Variants in ZCCHC7 observed in about 807,000 individuals in gnomAD.
ZCCHC7 encodes zinc finger CCHC domain-containing protein 7.
In ZCCHC7, 35 loss-of-function variants were observed where a neutral mutation model predicts 52.0. The ratio of observed to expected loss-of-function variants is 0.67; its 90% CI spans 0.51 to 0.89. The LOEUF is 0.89. Among genes scored for constraint, ZCCHC7 ranks in the 40% least tolerant of loss-of-function variants. The pLI is 0.00. For missense variants in ZCCHC7, 574 were observed against 649.1 expected (o/e 0.88, Z 1.26); for synonymous variants, 217 against 221.5 (o/e 0.98, Z 0.18).
At chr9:37,198,247 G>A (rs2133141369) in intron 2 of ZCCHC7, among the ~76,000 whole-genome samples, 1 of 152,224 alleles carries the variant, frequency 6.6e-6, no homozygotes. Context: ...AATAGACCCA[G>A]CTAAAATATC....
intron 2 of ZCCHC7, among the ~76,000 whole-genome samples, chr9:37,258,264 G>T (rs565864534): frequency 1.3e-4 from 20 of 152,212 alleles, no homozygotes; most frequent in African/African-American, 4.1e-4. Flanking sequence ...TCTTACAGGG[G>T]TTTGACAAGG....
intron 2 of ZCCHC7, among the ~76,000 whole-genome samples, chr9:37,183,237 C>T (rs754859834): frequency 6.6e-6 from 1 of 152,120 alleles, no homozygotes; most frequent in Non-Finnish European, 1.5e-5. Flanking sequence ...CATAACAGTA[C>T]ATTGTATACC....
chr9:37,137,098 A>C (rs1843027487), intron 2 of ZCCHC7, among the ~76,000 whole-genome samples: 2 of 152,220 alleles, frequency 1.3e-5, no homozygotes, highest in South Asian at 4.1e-4. Flanking sequence ...TGTACCATTA[A>C]GGTATTGGGA....
intron 1 of ZCCHC7, among the ~76,000 whole-genome samples, chr9:37,123,081 A>G (rs1032014203): frequency 6.6e-6 from 1 of 152,122 alleles, no homozygotes; most frequent in Non-Finnish European, 1.5e-5. Flanking sequence ...CAGTTTCCTG[A>G]TGGGAAGATT....
intron 2 of ZCCHC7, among the ~76,000 whole-genome samples, chr9:37,292,267 A>G (rs1411921458): frequency 3.3e-5 from 5 of 152,222 alleles, no homozygotes; most frequent in Non-Finnish European, 7.3e-5. Context: ...CAGATAGTGA[A>G]TGGTGAAAAC....
chr9:37,327,678 T>G, intron 5 of ZCCHC7, 121 bp from the exon 6 acceptor site: 1 of 1,028,244 alleles, frequency 9.7e-7, no homozygotes, highest in East Asian at 2.5e-5. Flanking sequence ...TGCAGACCCT[T>G]TCTGTTAAGC....
intron 2 of ZCCHC7, among the ~76,000 whole-genome samples, chr9:37,233,447 G>A (rs944041092): frequency 3.3e-5 from 5 of 152,098 alleles, no homozygotes; most frequent in Non-Finnish European, 7.4e-5. Context: ...AATTGTGATT[G>A]GACTTCTTAC....
At chr9:37,202,882 G>A (rs927200812) in intron 2 of ZCCHC7, among the ~76,000 whole-genome samples, 1 of 152,218 alleles carries the variant, frequency 6.6e-6, no homozygotes, top group African/African-American at 2.4e-5. Context: ...TTTATTTTTA[G>A]GAAAGTAACT....
chr9:37,314,317 G>A (rs898675048), intron 5 of ZCCHC7, among the ~76,000 whole-genome samples: 3 of 152,092 alleles, frequency 2.0e-5, no homozygotes, highest in Non-Finnish European at 4.4e-5. Flanking sequence ...CTGAGGAATG[G>A]ACTGACTTAC....
chr9:37,231,704 A>G (rs1270098378), intron 2 of ZCCHC7, among the ~76,000 whole-genome samples: 1 of 152,288 alleles, frequency 6.6e-6, no homozygotes, highest in Non-Finnish European at 1.5e-5. Flanking sequence ...ACAATGGTCA[A>G]GTATTTATCA....
At chr9:37,212,153 T>C (rs901759113) in intron 2 of ZCCHC7, among the ~76,000 whole-genome samples, 1 of 147,826 alleles carries the variant, frequency 6.8e-6, no homozygotes, top group African/African-American at 2.5e-5. Flanking sequence ...TGTTACAACC[T>C]AGTGGCAGCT....
At chr9:37,130,902 A>G (rs191877202) in intron 2 of ZCCHC7, among the ~76,000 whole-genome samples, 2 of 152,266 alleles carry the variant, frequency 1.3e-5, no homozygotes, top group South Asian at 2.1e-4. Context: ...GAGATAATTC[A>G]TAAGTCTGTG....
chr9:37,322,649 G>T (rs1830098766), intron 5 of ZCCHC7, among the ~76,000 whole-genome samples: 1 of 148,472 alleles, frequency 6.7e-6, no homozygotes, highest in African/African-American at 2.5e-5. Context: ...TGTAAAAATA[G>T]GTACATTGCA....
At chr9:37,306,757 C>T (rs920234678) in intron 5 of ZCCHC7, among the ~76,000 whole-genome samples, 5 of 109,726 alleles carry the variant, frequency 4.6e-5, no homozygotes, top group Non-Finnish European at 9.5e-5. Context: ...GCCACTGTAC[C>T]CGACCTTTTT....
At chr9:37,348,105 C>G (rs1055388177) in intron 6 of ZCCHC7, among the ~76,000 whole-genome samples, 1 of 152,146 alleles carries the variant, frequency 6.6e-6, no homozygotes, top group Non-Finnish European at 1.5e-5. Context: ...TGATTACTTT[C>G]AGATCTACTC....
chr9:37,149,110 GA>G (rs964196371), intron 2 of ZCCHC7, among the ~76,000 whole-genome samples: 23 of 152,192 alleles, frequency 1.5e-4, no homozygotes, highest in African/African-American at 4.8e-4. Context: ...TTGTGTAATT[GA>G]TTACTTCTGT....
intron 2 of ZCCHC7, among the ~76,000 whole-genome samples, chr9:37,292,527 G>A (rs550780092): frequency 3.9e-4 from 59 of 152,218 alleles, no homozygotes; most frequent in Non-Finnish European, 6.8e-4. Flanking sequence ...CCTGAGGATG[G>A]AGGGAGAAGA....
chr9:37,177,207 C>T (rs1822086432), intron 2 of ZCCHC7, among the ~76,000 whole-genome samples: 1 of 152,108 alleles, frequency 6.6e-6, no homozygotes, highest in African/African-American at 2.4e-5. Flanking sequence ...TGGTGGCACA[C>T]ACCTGTAGTC....
At chr9:37,216,701 A>C (rs1233144185) in intron 2 of ZCCHC7, among the ~76,000 whole-genome samples, 1 of 152,146 alleles carries the variant, frequency 6.6e-6, no homozygotes, top group Non-Finnish European at 1.5e-5. Flanking sequence ...ATAAATAAAA[A>C]GTGTATCTTA....
Sources: gnomAD v4.1 joint callset for allele counts (sites outside exome capture counted in the v4.1 genomes callset) on GRCh38, gnomAD v4.1.1 for gene constraint, MANE v1.5 for transcripts, NCBI Gene and HGNC (gene_info 2026-07-23, HGNC 2026-07-21) for gene names.